DLGAP2: variants seen among roughly 807,000 people sequenced by gnomAD.
DLGAP2 encodes the protein disks large-associated protein 2.
Under a neutral mutation model 100.3 loss-of-function variants are expected in DLGAP2, and 26 were observed. The ratio of observed to expected loss-of-function variants is 0.26; its 90% CI spans 0.19 to 0.36. DLGAP2 has a LOEUF of 0.36. Ranked by LOEUF, DLGAP2 falls within the 10% of genes least tolerant of loss-of-function variation. The probability of loss-of-function intolerance (pLI) is 1.00; values close to 1 mark genes in which losing one functional copy is unlikely to be tolerated. For missense variants in DLGAP2, 1,858 were observed against 1,453.2 expected, an observed-to-expected ratio of 1.28 and a Z score of -4.53; for synonymous variants, 886 against 630.1, an observed-to-expected ratio of 1.41 and a Z score of -6.08.
At chr8:1,288,077 T>A (rs1799980988) in intron 3 of DLGAP2, among the ~76,000 whole-genome samples, 1 of 144,598 alleles carries the variant, frequency 6.9e-6, no homozygotes, top group South Asian at 2.3e-4. Context: ...GGGGAACTAG[T>A]TTCGGTTCAG....
chr8:1,125,693 G>A (rs1350929908), intron 2 of DLGAP2, among the ~76,000 whole-genome samples: 1 of 152,170 alleles, frequency 6.6e-6, no homozygotes, highest in Non-Finnish European at 1.5e-5. Context: ...AATGAGCTTT[G>A]ATTTATTTGT....
intron 13 of DLGAP2, among the ~76,000 whole-genome samples, chr8:1,693,374 GC>G (rs939254853): frequency 3.4e-4 from 51 of 150,426 alleles, no homozygotes; most frequent in African/African-American, 1.1e-3. Flanking sequence ...CTATATATTT[GC>G]CTACACACAT....
In DLGAP2 at chr8:1,244,430, G is replaced by A. The variant is rs150414997; in HGVS notation, c.74-14421G>A. On this transcript the variant is annotated intron_variant, in intron 2 of 14. Coordinates refer to ENST00000637795, the MANE Select transcript of DLGAP2 (RefSeq NM_001346810.2). ...GAAAGGCAAAATATTGTGTTATAAT[G>A]AGGTTAAAGTGTTGTAAAAGAGGTG... is the stretch of plus-strand genomic sequence containing the variant. Among the ~76,000 whole-genome samples the A allele has an allele frequency of 3.2e-3, 487 of 152,336 alleles. 1 individual carries two copies. Among genetic ancestry groups the A allele is most frequent in the African/African-American group, 9.4e-3 (392 of 41,584 alleles).
At chr8:1,321,158 C>T (rs1033628350) in intron 3 of DLGAP2, among the ~76,000 whole-genome samples, 2 of 142,774 alleles carry the variant, frequency 1.4e-5, no homozygotes, top group Non-Finnish European at 3.1e-5. Flanking sequence ...TGCATCCGTG[C>T]CCGTATGTGT....
chr8:919,873 C>T lies in DLGAP2; in HGVS notation c.73+11907C>T, dbSNP rs192778917. Among the ~76,000 whole-genome samples the T allele has an allele frequency of 1.6e-3, 243 of 152,300 alleles. 3 individuals are homozygous for T. Among genetic ancestry groups the T allele is most frequent in the Admixed American group, 0.011 (175 of 15,296 alleles). ...AATCTTTCCCTTTACTAAGAAATGC[C>T]TTTAAAATGGAAATGTCTTTGAAAC... is the stretch of plus-strand genomic sequence containing the variant. On this transcript the variant is annotated intron_variant, in intron 2 of 14. Transcript: ENST00000637795.
At chr8:1,290,395 G>T (rs1800032533) in intron 3 of DLGAP2, among the ~76,000 whole-genome samples, 1 of 152,106 alleles carries the variant, frequency 6.6e-6, no homozygotes, top group Non-Finnish European at 1.5e-5. Flanking sequence ...TTGAACATCG[G>T]GCTGTCTGAC....
At chr8:1,511,374 C>T (rs1014721289) in intron 4 of DLGAP2, among the ~76,000 whole-genome samples, 40 of 144,628 alleles carry the variant, frequency 2.8e-4, no homozygotes, top group African/African-American at 9.5e-4. Flanking sequence ...TAGTGTAGGA[C>T]AATCAGTAGA....
intron 2 of DLGAP2, among the ~76,000 whole-genome samples, chr8:1,159,072 C>T (rs1243650322): frequency 1.3e-5 from 2 of 152,210 alleles, no homozygotes; most frequent in Non-Finnish European, 2.9e-5. Flanking sequence ...AGCCACACTG[C>T]TCTGTTACCC....
intron 1 of DLGAP2, among the ~76,000 whole-genome samples, chr8:824,120 G>C (rs1384631960): frequency 6.6e-6 from 1 of 151,358 alleles, no homozygotes; most frequent in Non-Finnish European, 1.5e-5. Context: ...TGTCACTCAG[G>C]CTGGAATGCA....
chr8:1,428,518 C>T (rs1024770655), intron 3 of DLGAP2, among the ~76,000 whole-genome samples: 4 of 152,122 alleles, frequency 2.6e-5, no homozygotes, highest in African/African-American at 9.7e-5. Context: ...GGTAACAAAA[C>T]AGGCCAAGGA....
At chr8:804,255 T>G (rs1464064429) in intron 1 of DLGAP2, among the ~76,000 whole-genome samples, 2 of 152,204 alleles carry the variant, frequency 1.3e-5, no homozygotes, top group African/African-American at 2.4e-5. Flanking sequence ...GTCCAATGAT[T>G]CTGGGGTTTT....
chr8:1,697,118 G>C, intron 13 of DLGAP2, 29 bp from the exon 14 acceptor site: 1 of 1,512,030 alleles, frequency 6.6e-7, no homozygotes, highest in Non-Finnish European at 8.9e-7. Flanking sequence ...AGACTCTCCT[G>C]GCTCTGAACA....
intron 3 of DLGAP2, among the ~76,000 whole-genome samples, chr8:1,463,767 C>T (rs1294137609): frequency 2.6e-5 from 4 of 152,254 alleles, no homozygotes; most frequent in Non-Finnish European, 1.5e-5. Context: ...TCAGATGGGC[C>T]TGGAGCACGG....
intron 2 of DLGAP2, among the ~76,000 whole-genome samples, chr8:1,096,668 G>A (rs967474286): frequency 1.3e-4 from 18 of 139,262 alleles, no homozygotes; most frequent in African/African-American, 3.0e-4. Flanking sequence ...CTGGGAGCCC[G>A]GGGCAGGCCT....
At chr8:801,965 C>T (rs111633402) in intron 1 of DLGAP2, among the ~76,000 whole-genome samples, 1,725 of 92,326 alleles carry the variant, frequency 0.019, 2 homozygotes, top group Middle Eastern at 0.043. Flanking sequence ...GCCTGGGGAA[C>T]GGTCTGCACC....
intron 3 of DLGAP2, among the ~76,000 whole-genome samples, chr8:1,382,938 T>G (rs554562452): frequency 6.6e-6 from 1 of 152,176 alleles, no homozygotes; most frequent in East Asian, 1.9e-4. Flanking sequence ...TGTGTGTGTG[T>G]AGAGAGAGAC....
At chr8:855,329 G>T (rs1020008814) in intron 1 of DLGAP2, among the ~76,000 whole-genome samples, 1 of 151,802 alleles carries the variant, frequency 6.6e-6, no homozygotes, top group Non-Finnish European at 1.5e-5. Flanking sequence ...CTCCCAGCGG[G>T]TGTGTACGGT....
intron 1 of DLGAP2, among the ~76,000 whole-genome samples, chr8:760,227 G>A (rs527327491): frequency 2.0e-5 from 3 of 152,098 alleles, no homozygotes; most frequent in Non-Finnish European, 4.4e-5. Flanking sequence ...AGGCTTTTCA[G>A]TGTGACGCCT....
chr8:1,688,311 G>A (rs562261540), intron 12 of DLGAP2: 3 of 152,352 alleles, frequency 2.0e-5, no homozygotes, highest in Admixed American at 1.3e-4. Flanking sequence ...ATTTGTGAAC[G>A]GCACAAGGCC....
Sources: gnomAD v4.1 joint callset for allele counts (sites outside exome capture counted in the v4.1 genomes callset) on GRCh38, gnomAD v4.1.1 for gene constraint, MANE v1.5 for transcripts, NCBI Gene and HGNC (gene_info 2026-07-23, HGNC 2026-07-21) for gene names.